ARHGAP24: variants seen among roughly 807,000 people sequenced by gnomAD.
ARHGAP24 encodes rho GTPase-activating protein 24.
Under a neutral mutation model 76.4 loss-of-function variants are expected in ARHGAP24, and 50 were observed. The observed-to-expected ratio is 0.65, with a 90% CI of 0.52 to 0.83. The LOEUF (loss-of-function observed/expected upper bound fraction) is 0.83, where lower values mean the gene tolerates loss of function less well. Ranked by LOEUF, ARHGAP24 falls within the 40% of genes least tolerant of loss-of-function variation. The probability of loss-of-function intolerance (pLI) is 0.00; values close to 1 mark genes in which losing one functional copy is unlikely to be tolerated. For synonymous variants in ARHGAP24, 345 were observed against 323.3 expected (o/e 1.07, Z -0.72); for missense variants, 930 against 914.2 (o/e 1.02, Z -0.22).
chr4:85,546,285 G>A (rs186078247), intron 1 of ARHGAP24, among the ~76,000 whole-genome samples: 146 of 151,392 alleles, frequency 9.6e-4, no homozygotes, highest in Non-Finnish European at 1.8e-3. Flanking sequence ...ACATATACAG[G>A]TCCAGTGGTA....
chr4:85,640,361 TCCTGACCAAC>T (rs1372114916), intron 2 of ARHGAP24, among the ~76,000 whole-genome samples: 1 of 152,178 alleles, frequency 6.6e-6, no homozygotes, highest in Non-Finnish European at 1.5e-5. Flanking sequence ...TCCCTTTGCC[TCCTGACCAAC>T]CCTGGTCTTC....
intron 1 of ARHGAP24, among the ~76,000 whole-genome samples, chr4:85,511,692 C>T (rs142735153): frequency 2.0e-5 from 3 of 151,990 alleles, no homozygotes; most frequent in Non-Finnish European, 4.4e-5. Context: ...CTCAGTCTCC[C>T]GACCTCAGGT....
chr4:85,541,374 T>C (rs13127247), intron 1 of ARHGAP24, among the ~76,000 whole-genome samples: 133,119 of 133,610 alleles, frequency 1, 66,319 homozygotes, highest in Middle Eastern at 1. Flanking sequence ...GGGATGGTCT[T>C]GATCTCCTGA....
chr4:85,605,025 A>T (rs1185086524), intron 2 of ARHGAP24, among the ~76,000 whole-genome samples: 1 of 152,242 alleles, frequency 6.6e-6, no homozygotes, highest in African/African-American at 2.4e-5. Flanking sequence ...TGTTAATTGT[A>T]CTTATATCTA....
Position 85,923,723 on chromosome 4 carries a change from A to G in ARHGAP24, c.344A>G (p.Asp115Gly). ...GCAAGCACCCAGAATGATATGGAAG[A>G]CTGGGTGAAGTCAATCCGCCGAGTC... ...LMASTQNDME[D>G]WVKSIRRVIW... Residue 115 changes from aspartate (D) to glycine (G), a missense_variant, in exon 4 of 10, where the codon GAC becomes GGC. Asp to Gly is a moderately conservative substitution (Grantham distance 94). Coordinates refer to ENST00000395184, the MANE Select transcript of ARHGAP24 (RefSeq NM_001025616.3). 6.2e-7 allele frequency: 1 copy of G among 1,613,962 alleles called. No homozygotes were observed. The highest frequency in any genetic ancestry group is 8.5e-7 in the Non-Finnish European group (1 of 1,179,944).
intron 1 of ARHGAP24, among the ~76,000 whole-genome samples, chr4:85,563,304 A>G (rs1241881617): frequency 6.6e-6 from 1 of 152,200 alleles, no homozygotes; most frequent in Non-Finnish European, 1.5e-5. Flanking sequence ...TGGCTTAAAC[A>G]ACAGAAGTTC....
intron 2 of ARHGAP24, among the ~76,000 whole-genome samples, chr4:85,720,205 T>G (rs1453580618): frequency 6.6e-6 from 1 of 152,084 alleles, no homozygotes; most frequent in Non-Finnish European, 1.5e-5. Flanking sequence ...ATGGCACATG[T>G]ATACATATGT....
At chr4:85,962,625 C>G (rs1738328695) in intron 5 of ARHGAP24, among the ~76,000 whole-genome samples, 1 of 151,854 alleles carries the variant, frequency 6.6e-6, no homozygotes, top group Non-Finnish European at 1.5e-5. Flanking sequence ...CAATATCTAC[C>G]AATCTTTTAA....
intron 2 of ARHGAP24, among the ~76,000 whole-genome samples, chr4:85,716,950 G>A (rs1578166908): frequency 1.3e-5 from 2 of 152,168 alleles, no homozygotes; most frequent in South Asian, 4.1e-4. Flanking sequence ...ACATCCCGAA[G>A]TAGCCTCTCT....
intron 3 of ARHGAP24, among the ~76,000 whole-genome samples, chr4:85,852,011 G>A (rs540542146): frequency 1.6e-4 from 24 of 152,208 alleles, no homozygotes; most frequent in African/African-American, 5.5e-4. Flanking sequence ...GCTAGGTTGG[G>A]GAAGTTCTCC....
chr4:85,479,201 A>G (rs1355562820), intron 1 of ARHGAP24, among the ~76,000 whole-genome samples: 1 of 152,088 alleles, frequency 6.6e-6, no homozygotes. Flanking sequence ...CACTTTCCAT[A>G]CCACCCCACA....
At chr4:85,530,626 T>C (rs1174649831) in intron 1 of ARHGAP24, among the ~76,000 whole-genome samples, 1 of 152,018 alleles carries the variant, frequency 6.6e-6, no homozygotes, top group Non-Finnish European at 1.5e-5. Flanking sequence ...TGCTAATTGT[T>C]CCATATGTAA....
At chr4:85,809,279 T>TA (rs1410942434) in intron 3 of ARHGAP24, among the ~76,000 whole-genome samples, 1 of 152,006 alleles carries the variant, frequency 6.6e-6, no homozygotes. Flanking sequence ...GAGTGCAAAT[T>TA]AAAAAACAAG....
At chr4:85,496,641 G>A (rs551092154) in intron 1 of ARHGAP24, among the ~76,000 whole-genome samples, 46 of 152,278 alleles carry the variant, frequency 3.0e-4, no homozygotes, top group African/African-American at 1.1e-3. Context: ...ATGCAACACT[G>A]TGAAGATTAA....
intron 1 of ARHGAP24, among the ~76,000 whole-genome samples, chr4:85,485,775 C>T (rs1223447210): frequency 6.6e-6 from 1 of 150,406 alleles, no homozygotes; most frequent in Admixed American, 6.6e-5. Flanking sequence ...CACTTTGTCA[C>T]CCAGGCTGGA....
At chr4:85,951,438 G>T (rs758544579) in intron 5 of ARHGAP24, among the ~76,000 whole-genome samples, 12 of 152,016 alleles carry the variant, frequency 7.9e-5, no homozygotes, top group Non-Finnish European at 1.0e-4. Flanking sequence ...CAAACTGCCA[G>T]GGAACGTTCG....
intron 2 of ARHGAP24, among the ~76,000 whole-genome samples, chr4:85,572,410 A>G (rs992634223): frequency 7.9e-5 from 12 of 152,300 alleles, no homozygotes; most frequent in Non-Finnish European, 1.5e-4. Context: ...TCCTCAAACT[A>G]GAATTCATGT....
intron 3 of ARHGAP24, among the ~76,000 whole-genome samples, chr4:85,820,727 G>A (rs1322252384): frequency 1.3e-5 from 2 of 152,158 alleles, no homozygotes; most frequent in African/African-American, 4.8e-5. Flanking sequence ...TCACCATGAT[G>A]AATTGTTCTT....
At chr4:85,882,430 C>G (rs920848227) in intron 3 of ARHGAP24, among the ~76,000 whole-genome samples, 1 of 151,986 alleles carries the variant, frequency 6.6e-6, no homozygotes, top group African/African-American at 2.4e-5. Context: ...CATTCTAGAA[C>G]CCCCTGATAA....
Sources: allele counts gnomAD v4.1 joint callset (sites outside exome capture counted in the v4.1 genomes callset), GRCh38; gene constraint gnomAD v4.1.1; transcripts MANE v1.5; gene names NCBI Gene and HGNC (gene_info 2026-07-23, HGNC 2026-07-21).